Variants in IMMP2L observed in about 807,000 individuals in gnomAD.
IMMP2L encodes inner mitochondrial membrane peptidase subunit 2.
Under a neutral mutation model 19.3 loss-of-function variants are expected in IMMP2L, and 18 were observed. That is an observed-to-expected ratio of 0.93 (90% confidence interval 0.64 to 1.38). IMMP2L has a LOEUF of 1.38. IMMP2L is among the 40% of genes most tolerant of loss of function. The pLI is 0.00. For synonymous variants in IMMP2L, 76 were observed against 73.0 expected, an observed-to-expected ratio of 1.04 and a Z score of -0.21; for missense variants, 233 against 218.2, an observed-to-expected ratio of 1.07 and a Z score of -0.43.
At chr7:111,137,401 C>CA (rs919982757) in intron 3 of IMMP2L, among the ~76,000 whole-genome samples, 24 of 151,662 alleles carry the variant, frequency 1.6e-4, no homozygotes, top group African/African-American at 5.1e-4. Context: ...CTAATCATGT[C>CA]AAAAAAAATA....
At chr7:110,724,479 G>C (rs1372225283) in intron 5 of IMMP2L, 1 of 152,126 alleles carries the variant, frequency 6.6e-6, no homozygotes, top group East Asian at 1.9e-4. Context: ...TGGAACCAAA[G>C]TTTCTGTTTG....
intron 3 of IMMP2L, among the ~76,000 whole-genome samples, chr7:111,461,127 AC>A (rs1049297380): frequency 2.0e-5 from 3 of 152,118 alleles, no homozygotes; most frequent in African/African-American, 7.2e-5. Flanking sequence ...CAATTTTTGT[AC>A]CATTACAAAT....
At chr7:110,768,951 G>C (rs894683141) in intron 5 of IMMP2L, among the ~76,000 whole-genome samples, 2 of 152,246 alleles carry the variant, frequency 1.3e-5, no homozygotes, top group African/African-American at 4.8e-5. Flanking sequence ...ATTGCTTACA[G>C]GGTAGAGATG....
chr7:110,827,347 A>G (rs1350168270), intron 5 of IMMP2L, among the ~76,000 whole-genome samples: 4 of 152,114 alleles, frequency 2.6e-5, no homozygotes, highest in African/African-American at 9.7e-5. Flanking sequence ...AGACTTTTCA[A>G]TTGGTTGCCA....
chr7:111,072,685 G>A lies in IMMP2L; in HGVS notation c.240-109120C>T, dbSNP rs1430920320. On this transcript the variant is annotated intron_variant, in intron 3 of 5. Coordinates refer to ENST00000405709, the MANE Select transcript of IMMP2L (RefSeq NM_032549.4). ...CCGAGGCAGGCGGATCACGAGGTCA[G>A]GAGATTGAGACCACCCTGATTAACA... Among the ~76,000 whole-genome samples, 3 of 152,124 alleles carry A rather than the reference G, an allele frequency of 2.0e-5. No homozygotes were observed. The East Asian group carries it at 5.8e-4, about 29-fold the overall frequency.
intron 3 of IMMP2L, among the ~76,000 whole-genome samples, chr7:111,007,333 G>C (rs183095795): frequency 2.7e-4 from 41 of 152,168 alleles, no homozygotes; most frequent in African/African-American, 9.4e-4. Flanking sequence ...TTTGGGTGGG[G>C]ACACAGACCT....
intron 5 of IMMP2L, among the ~76,000 whole-genome samples, chr7:110,832,946 C>T (rs1267865833): frequency 1.3e-5 from 2 of 152,200 alleles, no homozygotes; most frequent in East Asian, 3.9e-4. Context: ...TCCAGTACAG[C>T]TCCTGACATG....
At chr7:111,309,493 T>C (rs772459172) in intron 3 of IMMP2L, among the ~76,000 whole-genome samples, 1 of 152,142 alleles carries the variant, frequency 6.6e-6, no homozygotes, top group Non-Finnish European at 1.5e-5. Flanking sequence ...TCATTTACTA[T>C]GTGGTATCTC....
At chr7:111,453,117 T>TC (rs1839367967) in intron 3 of IMMP2L, among the ~76,000 whole-genome samples, 1 of 152,166 alleles carries the variant, frequency 6.6e-6, no homozygotes. Flanking sequence ...CGTGTCATTA[T>TC]CATAGATAAG....
intron 1 of IMMP2L, among the ~76,000 whole-genome samples, chr7:111,539,176 GAAGGAAGGAAGGAAGGAGGGAGAA>G (rs1848201775): frequency 1.3e-4 from 9 of 66,902 alleles, no homozygotes; most frequent in African/African-American, 4.4e-4. Flanking sequence ...AGGAAGGAAG[GAAGGAAGGAAGGAAGGAGGGAGAA>G]AGAAAGAAAG....
chr7:110,824,028 A>G (rs1803253235), intron 5 of IMMP2L, among the ~76,000 whole-genome samples: 1 of 152,110 alleles, frequency 6.6e-6, no homozygotes, highest in Non-Finnish European at 1.5e-5. Flanking sequence ...TCACTTGGAC[A>G]ACCAACAGTG....
At chr7:110,860,711 G>A (rs1807308796) in intron 5 of IMMP2L, among the ~76,000 whole-genome samples, 1 of 152,040 alleles carries the variant, frequency 6.6e-6, no homozygotes, top group Admixed American at 6.6e-5. Flanking sequence ...TAAATTTATA[G>A]CTCCCTTTAC....
At chr7:111,398,037 A>T (rs1230332299) in intron 3 of IMMP2L, among the ~76,000 whole-genome samples, 1 of 152,174 alleles carries the variant, frequency 6.6e-6, no homozygotes, top group African/African-American at 2.4e-5. Context: ...TGCATTTTGT[A>T]TACAGAATTG....
intron 4 of IMMP2L, among the ~76,000 whole-genome samples, chr7:110,901,776 T>G (rs799641): frequency 0.016 from 2,393 of 152,278 alleles, 51 homozygotes; most frequent in African/African-American, 0.055. Context: ...TAGTAGGAAA[T>G]TCAATCAGTA....
In IMMP2L at chr7:111,429,691, T is replaced by C. The variant is rs185180146; in HGVS notation, c.239+57547A>G. Among the ~76,000 whole-genome samples the C allele has an allele frequency of 2.2e-3, 341 of 152,054 alleles. 4 individuals carry two copies. The highest frequency in any genetic ancestry group is 6.8e-3 in the Middle Eastern group (2 of 294). On this transcript the variant is annotated intron_variant, in intron 3 of 5. Coordinates refer to ENST00000405709, the MANE Select transcript of IMMP2L (RefSeq NM_032549.4). ...CAACTCAGATAAAATAGCCTGTGTT[T>C]CTTAAATTGAGACTCCCACAACTAA...
chr7:110,834,112 G>A (rs1227350708), intron 5 of IMMP2L, among the ~76,000 whole-genome samples: 2 of 152,120 alleles, frequency 1.3e-5, no homozygotes, highest in Non-Finnish European at 2.9e-5. Flanking sequence ...GTTGTTCTAA[G>A]TTTATTTAGA....
chr7:111,060,767 T>C (rs771121408), intron 3 of IMMP2L, among the ~76,000 whole-genome samples: 2 of 152,232 alleles, frequency 1.3e-5, no homozygotes, highest in Non-Finnish European at 2.9e-5. Flanking sequence ...TCAATATGGA[T>C]ACTTGTTTAA....
In IMMP2L at chr7:110,663,510, G is replaced by A. The variant is rs1046779168; in HGVS notation, c.*92C>T. 13 of 1,035,966 alleles carry A rather than the reference G, an allele frequency of 1.3e-5. No homozygotes were observed. Among genetic ancestry groups the A allele is most frequent in the East Asian group, 4.8e-5 (2 of 41,946 alleles). The allele number at this position is 1,035,966 out of a possible 1,614,324, so 64.2% of individuals were successfully genotyped here. ...AATATTTCTCGCACAGCATCATATT[G>A]TCAGAAGTTTTTCCCTTTTGGAGGC... On this transcript the variant is annotated 3_prime_UTR_variant, in exon 6 of 6. Transcript: ENST00000405709.
chr7:111,023,036 T>A lies in IMMP2L; in HGVS notation c.240-59471A>T, dbSNP rs183087858. On this transcript the variant is annotated intron_variant, in intron 3 of 5. Coordinates refer to ENST00000405709, the MANE Select transcript of IMMP2L (RefSeq NM_032549.4). Reference sequence around the variant, plus strand: ...CATGCCCTCAGTAGAAAAGAAGTCATACATAATGTAGCAGTAAAACTGTTG... The same window carrying A: ...CATGCCCTCAGTAGAAAAGAAGTCAAACATAATGTAGCAGTAAAACTGTTG... Among the ~76,000 whole-genome samples the A allele has an allele frequency of 1.5e-3, 221 of 152,286 alleles. 2 individuals are homozygous for A. Among genetic ancestry groups the A allele is most frequent in the African/African-American group, 5.1e-3 (211 of 41,562 alleles).
Sources: gnomAD v4.1 joint callset for allele counts (sites outside exome capture counted in the v4.1 genomes callset) on GRCh38, gnomAD v4.1.1 for gene constraint, MANE v1.5 for transcripts, NCBI Gene and HGNC (gene_info 2026-07-23, HGNC 2026-07-21) for gene names.